The following SAMD12 variants were observed in gnomAD, a reference collection of about 807,000 sequenced individuals.
SAMD12 encodes sterile alpha motif domain containing 12.
In SAMD12, 9 loss-of-function variants were observed where a neutral mutation model predicts 15.0. That is an observed-to-expected ratio of 0.60 (90% CI 0.36 to 1.05). SAMD12 has a LOEUF of 1.05. Ranked by LOEUF, SAMD12 falls within the 50% of genes least tolerant of loss-of-function variation. The pLI is 0.01. For synonymous variants in SAMD12, 86 were observed against 90.1 expected, an observed-to-expected ratio of 0.96 and a Z score of 0.25; for missense variants, 230 against 234.2, an observed-to-expected ratio of 0.98 and a Z score of 0.12.
intron 1 of SAMD12, among the ~76,000 whole-genome samples, chr8:118,609,343 C>T (rs145456953): frequency 4.2e-4 from 64 of 152,280 alleles, no homozygotes; most frequent in Middle Eastern, 6.8e-3. Flanking sequence ...TGTTTCATTA[C>T]GGTCTACTTT....
At chr8:118,153,351 T>C in the SAMD12 span, among the ~76,000 whole-genome samples, 1 of 83,706 alleles carries the variant, frequency 1.2e-5, no homozygotes, top group African/African-American at 3.9e-5. Flanking sequence ...ATTTGAGCCC[T>C]TTGCTCATGT....
chr8:118,612,558 T>C (rs1186157873), intron 1 of SAMD12, among the ~76,000 whole-genome samples: 1 of 152,162 alleles, frequency 6.6e-6, no homozygotes, highest in Non-Finnish European at 1.5e-5. Context: ...TCTAACTCTC[T>C]TGTCCTTGTG....
intron 4 of SAMD12, among the ~76,000 whole-genome samples, chr8:118,365,399 C>T (rs1161233227): frequency 6.6e-6 from 1 of 152,146 alleles, no homozygotes; most frequent in African/African-American, 2.4e-5. Flanking sequence ...GCTGCCCTCA[C>T]CCATGTAGGT....
intron 4 of SAMD12, among the ~76,000 whole-genome samples, chr8:118,252,042 G>A (rs982290864): frequency 6.6e-6 from 1 of 152,132 alleles, no homozygotes; most frequent in African/African-American, 2.4e-5. Context: ...CTCTGCCTGG[G>A]TGCCGCAGAG....
intron 4 of SAMD12, among the ~76,000 whole-genome samples, chr8:118,321,311 G>GT (rs1342747707): frequency 0.011 from 759 of 68,248 alleles, 6 homozygotes; most frequent in Non-Finnish European, 0.02. Flanking sequence ...TTTTTTTTTG[G>GT]TTTTTTTTTA....
the SAMD12 span, among the ~76,000 whole-genome samples, chr8:118,134,723 A>G: frequency 6.6e-6 from 1 of 152,152 alleles, no homozygotes; most frequent in Non-Finnish European, 1.5e-5. Context: ...TGGTCAGGCA[A>G]TACTCATTAG....
intron 4 of SAMD12, among the ~76,000 whole-genome samples, chr8:118,216,775 A>G (rs191696513): frequency 1.3e-5 from 2 of 152,198 alleles, no homozygotes; most frequent in Admixed American, 6.5e-5. Context: ...TGCTTAAAAC[A>G]GTAAGTTTCA....
chr8:118,300,032 CTTTT>C (rs66517737), intron 4 of SAMD12, among the ~76,000 whole-genome samples: 5 of 151,574 alleles, frequency 3.3e-5, no homozygotes, highest in African/African-American at 1.2e-4. Context: ...TTTTTCTTTA[CTTTT>C]TTTTAATTGA....
chr8:118,428,575 A>C (rs1165595832), intron 3 of SAMD12, among the ~76,000 whole-genome samples: 2 of 152,166 alleles, frequency 1.3e-5, no homozygotes, highest in African/African-American at 4.8e-5. Flanking sequence ...TTTTAAATTT[A>C]GGTCCATTAT....
chr8:118,557,278 T>A (rs1413454792), intron 2 of SAMD12, among the ~76,000 whole-genome samples: 1 of 152,232 alleles, frequency 6.6e-6, no homozygotes, highest in Non-Finnish European at 1.5e-5. Flanking sequence ...CCTGCTGCCA[T>A]GTAAGACATG....
chr8:118,287,459 A>T (rs566861059), intron 4 of SAMD12, among the ~76,000 whole-genome samples: 4 of 152,336 alleles, frequency 2.6e-5, no homozygotes, highest in African/African-American at 9.6e-5. Flanking sequence ...AGCAAAATGA[A>T]AAATAAGAAG....
chr8:118,381,386 A>G (rs1289227693), intron 3 of SAMD12, among the ~76,000 whole-genome samples: 1 of 152,236 alleles, frequency 6.6e-6, no homozygotes, highest in Non-Finnish European at 1.5e-5. Context: ...ATTGCTTTCT[A>G]TGGCTGGTGG....
At chr8:118,148,844 T>C in the SAMD12 span, among the ~76,000 whole-genome samples, 6 of 152,358 alleles carry the variant, frequency 3.9e-5, no homozygotes, top group South Asian at 1.2e-3. Context: ...TTACCCATGT[T>C]ACAGCATGTT....
intron 4 of SAMD12, among the ~76,000 whole-genome samples, chr8:118,315,745 AC>A (rs1241804784): frequency 6.6e-6 from 1 of 152,118 alleles, no homozygotes; most frequent in African/African-American, 2.4e-5. Context: ...AAGCTGAACT[AC>A]CCACCTAGGA....
chr8:118,152,712 TG>T, the SAMD12 span, among the ~76,000 whole-genome samples: 1 of 152,144 alleles, frequency 6.6e-6, no homozygotes, highest in Admixed American at 6.6e-5. Flanking sequence ...TCGCTCAGGC[TG>T]GTCTTGAACT....
At chr8:118,548,596 C>T (rs145189552) in intron 2 of SAMD12, among the ~76,000 whole-genome samples, 4,599 of 152,268 alleles carry the variant, frequency 0.03, 98 homozygotes, top group Non-Finnish European at 0.043. Context: ...CCAGCGTGAG[C>T]GACGCAGAAG....
At chr8:118,447,476 T>G (rs1822948846) in intron 2 of SAMD12, among the ~76,000 whole-genome samples, 1 of 151,916 alleles carries the variant, frequency 6.6e-6, no homozygotes, top group African/African-American at 2.4e-5. Flanking sequence ...CTAACTTTTT[T>G]GCATTATTAG....
chr8:118,460,933 C>A (rs145130592), intron 2 of SAMD12, among the ~76,000 whole-genome samples: 8 of 152,216 alleles, frequency 5.3e-5, no homozygotes, highest in African/African-American at 1.9e-4. Context: ...TCATCACTTT[C>A]TCGGAACCAT....
chr8:118,611,609 G>A (rs370612282), intron 1 of SAMD12, among the ~76,000 whole-genome samples: 38 of 152,236 alleles, frequency 2.5e-4, no homozygotes, highest in South Asian at 2.1e-3. Flanking sequence ...ACATCTGTGG[G>A]AGCCTTGTTA....
Sources: gnomAD v4.1 joint callset for allele counts (sites outside exome capture counted in the v4.1 genomes callset) on GRCh38, gnomAD v4.1.1 for gene constraint, MANE v1.5 for transcripts, NCBI Gene and HGNC (gene_info 2026-07-23, HGNC 2026-07-21) for gene names.